Variants in INTS4 observed in about 807,000 individuals in gnomAD.
The protein encoded by INTS4 is MSTP093.
A neutral mutation model predicts 119.5 loss-of-function variants in INTS4; 70 were observed. The observed-to-expected ratio is 0.59, with a 90% CI of 0.48 to 0.71. INTS4 has a LOEUF of 0.71. Ranked by LOEUF, INTS4 falls within the 30% of genes least tolerant of loss-of-function variation. INTS4 has a pLI of 0.00. For synonymous variants in INTS4, 316 were observed against 419.6 expected (o/e 0.75, Z 3.02); for missense variants, 867 against 1,173.2 (o/e 0.74, Z 3.81).
At chr11:77,979,807 A>T (rs1856125439) in intron 3 of INTS4, among the ~76,000 whole-genome samples, 1 of 151,642 alleles carries the variant, frequency 6.6e-6, no homozygotes, top group African/African-American at 2.4e-5. Flanking sequence ...GTGAAACACC[A>T]TCTCTACTAA....
At chr11:77,966,167 A>C (rs1232268897) in intron 4 of INTS4, among the ~76,000 whole-genome samples, 1 of 152,128 alleles carries the variant, frequency 6.6e-6, no homozygotes, top group African/African-American at 2.4e-5. Context: ...TGTTGTTGCT[A>C]CTTAGTTGAA....
intron 15 of INTS4, 23 bp from the exon 16 acceptor site, chr11:77,907,833 G>A (rs1360495433): frequency 2.8e-6 from 4 of 1,448,794 alleles, no homozygotes; most frequent in Non-Finnish European, 2.9e-6. Flanking sequence ...AAACCCCCAA[G>A]GCAAACACAG....
intron 22 of INTS4, among the ~76,000 whole-genome samples, chr11:77,882,774 G>A (rs1197075124): frequency 6.6e-6 from 1 of 152,056 alleles, no homozygotes; most frequent in Non-Finnish European, 1.5e-5. Context: ...CTGACAGAGG[G>A]AAACCATTAA....
In INTS4 at chr11:77,979,095, A is replaced by T; in HGVS notation, c.372T>A (p.His124Gln). 4.4e-6 allele frequency: 7 copies of T among 1,600,718 alleles called. No individual in the cohort carries two copies. Among genetic ancestry groups the T allele is most frequent in the Non-Finnish European group, 6.0e-6 (7 of 1,168,174 alleles). The change falls in exon 4 of 23, where the codon CAT becomes CAA. Residue 124 changes from histidine (H) to glutamine (Q), a missense_variant. Transcript: ENST00000534064. ...TATCCAGCAGTTGAGCTAGGACTTGATGAGACTCTAGAGAGGGAGATAGAA... is the reference window on the plus strand; with the variant it reads ...TATCCAGCAGTTGAGCTAGGACTTGTTGAGACTCTAGAGAGGGAGATAGAA... ...AINILQNEKS[H>Q]QVLAQLLDTL... is the part of the protein sequence containing the mutation.
chr11:77,974,743 G>A (rs1431803226), intron 4 of INTS4, among the ~76,000 whole-genome samples: 3 of 151,720 alleles, frequency 2.0e-5, no homozygotes, highest in Non-Finnish European at 2.9e-5. Flanking sequence ...CTGGACTACA[G>A]GTACAAGCCA....
Position 77,909,337 on chromosome 11 carries a change from G to A in INTS4, c.1923-1527C>T, listed in dbSNP as rs368904346. On this transcript the variant is annotated intron_variant, in intron 15 of 22. Transcript: ENST00000534064. ...TATAACAAAATATCATAGACTGGGT[G>A]GGTTATAAACAACCGAAATTTATTT... Among the ~76,000 whole-genome samples the A allele has an allele frequency of 7.7e-4, 118 of 152,314 alleles. 2 individuals are homozygous for A. Among genetic ancestry groups the A allele is most frequent in the African/African-American group, 2.8e-3 (116 of 41,558 alleles).
intron 4 of INTS4, among the ~76,000 whole-genome samples, chr11:77,976,325 C>G (rs923373560): frequency 2.0e-5 from 3 of 152,090 alleles, no homozygotes; most frequent in African/African-American, 7.2e-5. Flanking sequence ...AGTTCACACA[C>G]GTAATCTCGG....
downstream of INTS4, among the ~76,000 whole-genome samples, chr11:77,874,730 G>A (rs188949822): frequency 4.2e-4 from 64 of 152,206 alleles, no homozygotes; most frequent in Non-Finnish European, 7.8e-4. Flanking sequence ...ATTTCTTCTA[G>A]CCTGAGTGGT....
intron 8 of INTS4, among the ~76,000 whole-genome samples, chr11:77,952,057 C>G (rs896375755): frequency 1.1e-4 from 17 of 152,192 alleles, no homozygotes; most frequent in Non-Finnish European, 1.9e-4. Context: ...CACTTTTACA[C>G]TGTTGGTGGG....
At chr11:77,909,144 T>C (rs1049844725) in intron 15 of INTS4, among the ~76,000 whole-genome samples, 4 of 152,250 alleles carry the variant, frequency 2.6e-5, no homozygotes, top group African/African-American at 9.6e-5. Context: ...ATTAGCAGCA[T>C]ACTGTAACTC....
chr11:77,926,998 T>C (rs1279288882), intron 11 of INTS4, among the ~76,000 whole-genome samples: 1 of 152,018 alleles, frequency 6.6e-6, no homozygotes, highest in Non-Finnish European at 1.5e-5. Context: ...GTGCTGGGAG[T>C]AACAGTTAGG....
chr11:77,985,283 A>T (rs1591147840), intron 2 of INTS4, among the ~76,000 whole-genome samples: 1 of 152,198 alleles, frequency 6.6e-6, no homozygotes, highest in African/African-American at 2.4e-5. Flanking sequence ...GGCCCTTTAG[A>T]ATCAGATGCC....
At chr11:77,920,892 A>C (rs975883686) in intron 14 of INTS4, among the ~76,000 whole-genome samples, 18 of 150,756 alleles carry the variant, frequency 1.2e-4, no homozygotes, top group Admixed American at 9.3e-4. Context: ...AAATATATAT[A>C]TATAACAATT....
rs536127373 is a variant in INTS4 at position 77,939,823 on chromosome 11, C to T, written c.991-998G>A. Among the ~76,000 whole-genome samples the T allele has an allele frequency of 9.3e-5, 14 of 150,928 alleles. No homozygotes were observed. The East Asian group carries it at 1.6e-3, about 17-fold the overall frequency. ...TCACACCACTGCACTCCAGCCTGGG[C>T]GACAGAGCGAGACCCTGTCTCAAAC... is the stretch of plus-strand genomic sequence containing the variant. On this transcript the variant is annotated intron_variant, in intron 9 of 22. Transcript: ENST00000534064.
intron 4 of INTS4, among the ~76,000 whole-genome samples, chr11:77,971,126 C>T (rs1385201506): frequency 6.6e-6 from 1 of 152,064 alleles, no homozygotes; most frequent in Non-Finnish European, 1.5e-5. Context: ...TTTTGATATG[C>T]ATTTCCCTAG....
intron 8 of INTS4, among the ~76,000 whole-genome samples, chr11:77,951,747 T>A (rs1954201300): frequency 6.6e-6 from 1 of 151,736 alleles, no homozygotes; most frequent in Non-Finnish European, 1.5e-5. Context: ...TGGGAGAAAA[T>A]TTTTGCAATC....
chr11:77,956,753 AATAAT>A (rs1954337309), intron 7 of INTS4, among the ~76,000 whole-genome samples: 3 of 103,450 alleles, frequency 2.9e-5, no homozygotes, highest in Non-Finnish European at 6.2e-5. Flanking sequence ...TAATAATAAT[AATAAT>A]AAACAAATAA....
At chr11:77,941,457 GC>G (rs1432709951) in intron 8 of INTS4, among the ~76,000 whole-genome samples, 1 of 76,802 alleles carries the variant, frequency 1.3e-5, no homozygotes, top group African/African-American at 7.5e-5. Flanking sequence ...CACCTACTGT[GC>G]TTTTTTTTTT....
At chr11:77,877,279 T>C (rs2136337986), downstream of INTS4, among the ~76,000 whole-genome samples, 1 of 152,294 alleles carries the variant, frequency 6.6e-6, no homozygotes, top group Admixed American at 6.5e-5. Flanking sequence ...GTAAAGAGCT[T>C]ACAACACTGC....
Sources: gnomAD v4.1 joint callset for allele counts (sites outside exome capture counted in the v4.1 genomes callset) on GRCh38, gnomAD v4.1.1 for gene constraint, MANE v1.5 for transcripts, NCBI Gene and HGNC (gene_info 2026-07-23, HGNC 2026-07-21) for gene names.